The following FAM169A variants were observed in gnomAD, a reference collection of about 807,000 sequenced individuals.
FAM169A encodes family with sequence similarity 169 member A, also known as soluble lamin-associated protein of 75 kDa.
A neutral mutation model predicts 75.7 loss-of-function variants in FAM169A; 24 were observed. The observed-to-expected ratio is 0.32, with a 90% confidence interval of 0.23 to 0.45. The LOEUF (loss-of-function observed/expected upper bound fraction) is 0.45. FAM169A is among the 20% of genes least tolerant of loss of function. The probability of loss-of-function intolerance (pLI) is 1.00; values close to 1 mark genes in which losing one functional copy is unlikely to be tolerated. For synonymous variants in FAM169A, 271 were observed against 271.0 expected, an observed-to-expected ratio of 1.00 and a Z score of 0.00; for missense variants, 673 against 784.0, an observed-to-expected ratio of 0.86 and a Z score of 1.69.
At chr5:74,866,680 AG>A, upstream of FAM169A, 1 of 905,696 alleles carries the variant, frequency 1.1e-6, no homozygotes, top group South Asian at 5.1e-5. Flanking sequence ...ACCTTGGCTT[AG>A]ATATAAAAAT....
chr5:74,838,822 G>C, intron 4 of FAM169A, 143 bp downstream of exon 4: 1 of 681,086 alleles, frequency 1.5e-6, no homozygotes, highest in South Asian at 1.8e-5. Flanking sequence ...CCGAATGCTG[G>C]CTTCATCGTA....
At chr5:74,815,471 C>T (rs1747423970) in intron 5 of FAM169A, among the ~76,000 whole-genome samples, 1 of 152,158 alleles carries the variant, frequency 6.6e-6, no homozygotes, top group African/African-American at 2.4e-5. Context: ...GCGTGAGCCA[C>T]TGCACCCAGC....
intron 12 of FAM169A, 53 bp downstream of exon 12, chr5:74,782,878 A>C (rs1333138594): frequency 2.2e-6 from 3 of 1,384,624 alleles, no homozygotes; most frequent in Non-Finnish European, 3.0e-6. Flanking sequence ...CCTCCTCGCT[A>C]ATGTCACCAA....
intron 5 of FAM169A, among the ~76,000 whole-genome samples, chr5:74,832,466 T>C (rs1748364201): frequency 1.3e-5 from 2 of 151,788 alleles, no homozygotes; most frequent in African/African-American, 4.8e-5. Context: ...TTATTTGCTA[T>C]TTTAAAAATC....
intron 11 of FAM169A, among the ~76,000 whole-genome samples, chr5:74,784,607 TAAAAAAAAAAAAAAA>T (rs70976133): frequency 1.7e-5 from 1 of 60,564 alleles, no homozygotes; most frequent in African/African-American, 6.8e-5. Context: ...CAACCCAGGC[TAAAAAAAAAAAAAAA>T]AAAAAAAAAA....
At chr5:74,846,386 A>T (rs531547488) in intron 1 of FAM169A, among the ~76,000 whole-genome samples, 1 of 152,350 alleles carries the variant, frequency 6.6e-6, no homozygotes, top group South Asian at 2.1e-4. Context: ...CCACATAAAA[A>T]TAATATGGCA....
chr5:74,835,601 CAAAAAA>C (rs35800429), intron 4 of FAM169A, among the ~76,000 whole-genome samples: 3 of 59,154 alleles, frequency 5.1e-5, no homozygotes, highest in African/African-American at 1.7e-4. Context: ...GACTGTGTCT[CAAAAAA>C]AAAAAAAAAA....
At chr5:74,818,803 C>CTCTCTCTA (rs1451956898) in intron 5 of FAM169A, among the ~76,000 whole-genome samples, 4 of 121,620 alleles carry the variant, frequency 3.3e-5, no homozygotes, top group South Asian at 2.7e-4. Flanking sequence ...CTCTCTCTCT[C>CTCTCTCTA]TATATATATA....
At chr5:74,853,134 G>A (rs549929375) in intron 1 of FAM169A, among the ~76,000 whole-genome samples, 3 of 152,256 alleles carry the variant, frequency 2.0e-5, no homozygotes, top group Admixed American at 2.0e-4. Flanking sequence ...TAACATACAG[G>A]TCTACAATGG....
chr5:74,841,821 T>C (rs1020858988), intron 1 of FAM169A, 142 bp from the exon 2 acceptor site: 11 of 652,974 alleles, frequency 1.7e-5, no homozygotes, highest in South Asian at 9.7e-5. Flanking sequence ...AGAATACAAC[T>C]TGAACCTGCT....
At chr5:74,862,691 A>C (rs745834757) in intron 1 of FAM169A, among the ~76,000 whole-genome samples, 4 of 152,238 alleles carry the variant, frequency 2.6e-5, no homozygotes, top group Non-Finnish European at 5.9e-5. Flanking sequence ...GGACTACTGG[A>C]ATGAATTTTC....
chr5:74,796,054 C>G lies in FAM169A; in HGVS notation c.1236G>C (p.Gln412His). Residue 412 changes from glutamine (Q) to histidine (H), a missense_variant, in exon 11 of 13, where the codon CAG becomes CAC. By Grantham distance (24) the Gln-to-His change is conservative. Transcript: ENST00000687041. ...CCTTTTCACCATCTTGCTTCTCTTG[C>G]TGTGGCTGGGTTTCCAGTGCTGGCC... ...DARPALETQP[Q>H]QEKQDGEKES... The G allele has an allele frequency of 6.2e-7, 1 of 1,613,856 alleles. No homozygotes were observed. Among genetic ancestry groups the G allele is most frequent in the Non-Finnish European group, 8.5e-7 (1 of 1,179,960 alleles).
At chr5:74,814,665 G>A (rs904188055) in intron 5 of FAM169A, among the ~76,000 whole-genome samples, 1 of 152,046 alleles carries the variant, frequency 6.6e-6, no homozygotes, top group Non-Finnish European at 1.5e-5. Context: ...AAGTTAAACA[G>A]GACAAAAAAT....
chr5:74,794,469 G>A (rs975978922), intron 11 of FAM169A, among the ~76,000 whole-genome samples: 1 of 150,970 alleles, frequency 6.6e-6, no homozygotes, highest in Non-Finnish European at 1.5e-5. Flanking sequence ...GGTCATGCCT[G>A]TAATCCCAGC....
intron 5 of FAM169A, among the ~76,000 whole-genome samples, chr5:74,822,893 T>C (rs548799055): frequency 3.2e-4 from 49 of 152,230 alleles, no homozygotes; most frequent in African/African-American, 1.2e-3. Flanking sequence ...TTCAGATTCA[T>C]CACTAGTTCC....
chr5:74,854,231 T>C (rs112275041), intron 1 of FAM169A, among the ~76,000 whole-genome samples: 175 of 152,080 alleles, frequency 1.2e-3, no homozygotes, highest in African/African-American at 4.0e-3. Flanking sequence ...TCATCTCTAC[T>C]AAAAATACAA....
rs1745300195 is a variant in FAM169A at position 74,779,496 on chromosome 5, A to G, written c.*1964T>C. 1 of 152,200 alleles carries G rather than the reference A, an allele frequency of 6.6e-6. No individual in the cohort carries two copies. The highest frequency in any genetic ancestry group is 2.1e-4 in the South Asian group (1 of 4,832). 9.4% of individuals were successfully genotyped at this position (152,200 alleles called of 1,614,324 possible). A position where few individuals can be genotyped will look rare whatever the true frequency, so the allele number is the denominator to read the frequency against. On this transcript the variant is annotated 3_prime_UTR_variant, in exon 13 of 13. Transcript: ENST00000687041. ...AGTGTTTTCAAATCTAAGAAATGAA[A>G]CATGTAAAGATTAAGAATTTACTGA...
chr5:74,849,218 A>G (rs1749313841), intron 1 of FAM169A, among the ~76,000 whole-genome samples: 1 of 152,168 alleles, frequency 6.6e-6, no homozygotes, highest in African/African-American at 2.4e-5. Flanking sequence ...CCTTTTAATA[A>G]TTCCTTTTTC....
chr5:74,796,188 T>TA lies in FAM169A; in HGVS notation c.1104-3dup, dbSNP rs1355406804. The TA allele has an allele frequency of 1.3e-6, 2 of 1,595,244 alleles. No individual in the cohort carries two copies. Among genetic ancestry groups the TA allele is most frequent in the South Asian group, 2.3e-5 (2 of 86,298 alleles). The stretch of plus-strand genomic sequence containing the variant: ...GATGGGCGTGCAGTAGACTCCAATC[T>TA]AAAAAACAAAAGAAAACCATTCTGA... On this transcript the variant is annotated splice_polypyrimidine_tract_variant and splice_region_variant and intron_variant, in intron 10 of 12. Transcript: ENST00000687041.
Sources: allele counts gnomAD v4.1 joint callset (sites outside exome capture counted in the v4.1 genomes callset), GRCh38; gene constraint gnomAD v4.1.1; transcripts MANE v1.5; gene names NCBI Gene and HGNC (gene_info 2026-07-23, HGNC 2026-07-21).